HIP1: variants seen among roughly 807,000 people sequenced by gnomAD.
HIP1 encodes the protein huntingtin-interacting protein 1.
HIP1 carries 65 observed loss-of-function variants against 147.6 expected under a neutral mutation model. The ratio of observed to expected loss-of-function variants is 0.44; its 90% CI spans 0.36 to 0.54. The LOEUF (loss-of-function observed/expected upper bound fraction) is 0.54. HIP1 is among the 20% of genes least tolerant of loss of function. The pLI, the probability that HIP1 is intolerant of heterozygous loss-of-function variation, is 0.00. For missense variants in HIP1, 1,061 were observed against 1,299.6 expected, an observed-to-expected ratio of 0.82 and a Z score of 2.82; for synonymous variants, 479 against 504.0, an observed-to-expected ratio of 0.95 and a Z score of 0.67.
chr7:75,664,522 G>C (rs955160983), intron 1 of HIP1, among the ~76,000 whole-genome samples: 3 of 147,818 alleles, frequency 2.0e-5, no homozygotes, highest in Non-Finnish European at 3.0e-5. Context: ...GTATGTATAC[G>C]TATACATACA....
chr7:75,592,514 G>A lies in HIP1; in HGVS notation c.185C>T (p.Thr62Met), dbSNP rs202080673. 547 of 1,608,718 alleles carry A rather than the reference G, an allele frequency of 3.4e-4. 3 individuals are homozygous for A. The highest frequency in any genetic ancestry group is 9.6e-4 in the Admixed American group (55 of 57,378). ...CTCATGGTGGGTGCCCAGTATGCAC[G>A]GTGAGGGGGGGTTATGGAAAACAAC... Reference protein sequence around the residue: ...EVAVKEKHARTCILGTHHEKG... With the variant: ...EVAVKEKHARMCILGTHHEKG... Residue 62 changes from threonine (T) to methionine (M), a missense_variant and splice_region_variant, in exon 3 of 31, where the codon ACG (threonine) becomes ATG (methionine). Physicochemically the swap from Thr to Met is moderately conservative, Grantham distance 81. This residue lies in a region of HIP1 where 225 missense variants were observed against 292.9 expected (regional missense o/e 0.77). Coordinates refer to ENST00000336926, the MANE Select transcript of HIP1 (RefSeq NM_005338.7).
In HIP1 at chr7:75,663,659, T is replaced by G. The variant is rs1799384758; in HGVS notation, c.121-64412A>C. 1.3e-5 allele frequency among the ~76,000 whole-genome samples: 2 copies of G among 151,440 alleles called. 1 individual carries two copies. Among genetic ancestry groups the G allele is most frequent in the South Asian group, 4.2e-4 (2 of 4,800 alleles). On this transcript the variant is annotated intron_variant, in intron 1 of 30. Transcript: ENST00000336926. ...AGGGTACTGCCAGTTCTGGGTGTAC[T>G]AGATGAGTCCTGACCATGAGCAGTG...
rs1554491291 is a variant in HIP1, at chr7:75,547,768, C to T, written c.2452G>A (p.Glu818Lys). ...GCTCAGACCGACCTTTCATTCACCTCCAATTTGACTCCTGTGTCTCCTGCT... is the reference window on the plus strand; with the variant it reads ...GCTCAGACCGACCTTTCATTCACCTTCAATTTGACTCCTGTGTCTCCTGCT... The part of the protein sequence containing the change: ...SRAGDTGVKL[E>K]VNERILGCCT... Residue 818 changes from glutamate (E) to lysine (K), a missense_variant, in exon 24 of 31, where the codon GAG (glutamate) becomes AAG (lysine). By Grantham distance (56) the Glu-to-Lys change is moderately conservative (BLOSUM62 1). This residue lies in a region of HIP1 where 810 missense variants were observed against 946.8 expected (regional missense o/e 0.86). Transcript: ENST00000336926. 1 of 1,613,930 alleles carries T rather than the reference C, an allele frequency of 6.2e-7. No individual in the cohort carries two copies. Among genetic ancestry groups the T allele is most frequent in the Middle Eastern group, 1.6e-4 (1 of 6,062 alleles).
intron 1 of HIP1, among the ~76,000 whole-genome samples, chr7:75,665,490 G>C (rs1316332269): frequency 1.3e-5 from 2 of 151,986 alleles, no homozygotes; most frequent in Non-Finnish European, 2.9e-5. Flanking sequence ...ATCCTGTCTT[G>C]TGGCTTTGCT....
chr7:75,664,096 GTGCA>G lies in HIP1; in HGVS notation c.121-64853_121-64850del, dbSNP rs1563278705. 8.9e-5 allele frequency among the ~76,000 whole-genome samples: 6 copies of G among 67,522 alleles called. 2 individuals are homozygous for G. The highest frequency in any genetic ancestry group is 1.8e-4 in the Non-Finnish European group (6 of 32,932). 44.3% of individuals were successfully genotyped at this position (67,522 alleles called of 152,430 possible). ...TATACACACACATATACACACATATGTGCATACATACATGTATGCATATATGCAC... is the reference window on the plus strand; with the variant it reads ...TATACACACACATATACACACATATGTACATACATGTATGCATATATGCAC... On this transcript the variant is annotated intron_variant, in intron 1 of 30. Coordinates refer to ENST00000336926, the MANE Select transcript of HIP1 (RefSeq NM_005338.7).
At chr7:75,735,947 C>A (rs983674726) in intron 1 of HIP1, among the ~76,000 whole-genome samples, 1 of 151,892 alleles carries the variant, frequency 6.6e-6, no homozygotes, top group African/African-American at 2.4e-5. Context: ...GTTTCAACAC[C>A]AGAGGCTGGG....
chr7:75,548,934 G>T lies in HIP1; in HGVS notation c.2363C>A (p.Ala788Glu), dbSNP rs782369265. Residue 788 changes from alanine to glutamate, a missense_variant, in exon 23 of 31, where the codon GCG becomes GAG. Coordinates refer to ENST00000336926, the MANE Select transcript of HIP1 (RefSeq NM_005338.7). ...ELGDLVDKEM[A>E]ATSAAIETAT... ...AGTTTCAATAGCAGCTGAAGTGGCC[G>T]CCATCTCCTTGTCCACCAGGTCCCC... 1.6e-5 allele frequency: 26 copies of T among 1,613,826 alleles called. No individual in the cohort carries two copies. The highest frequency in any genetic ancestry group is 2.2e-5 in the Non-Finnish European group (26 of 1,179,888).
intron 1 of HIP1, among the ~76,000 whole-genome samples, chr7:75,634,238 C>A (rs1798343923): frequency 6.6e-6 from 1 of 151,160 alleles, no homozygotes; most frequent in South Asian, 2.1e-4. Context: ...CCAGCCTTGA[C>A]AACAGAGTGA....
intron 1 of HIP1, among the ~76,000 whole-genome samples, chr7:75,645,740 C>T (rs1798780266): frequency 1.3e-5 from 2 of 152,158 alleles, no homozygotes. Context: ...ACATATCCAA[C>T]AAGGAATATT....
At chr7:75,582,506 A>C (rs1467572983) in intron 5 of HIP1, among the ~76,000 whole-genome samples, 1 of 152,110 alleles carries the variant, frequency 6.6e-6, no homozygotes, top group Non-Finnish European at 1.5e-5. Flanking sequence ...ATCTACATGT[A>C]CAAGTGGATA....
At chr7:75,548,618 AAGC>A (rs782728512) in intron 23 of HIP1, among the ~76,000 whole-genome samples, 1 of 151,842 alleles carries the variant, frequency 6.6e-6, no homozygotes, top group Non-Finnish European at 1.5e-5. Flanking sequence ...CTGGGACTAT[AAGC>A]ATGCACCACC....
intron 1 of HIP1, chr7:75,626,812 T>A (rs1426529889): frequency 6.6e-6 from 1 of 152,108 alleles, no homozygotes; most frequent in Non-Finnish European, 1.5e-5. Context: ...TTTGATTGAA[T>A]CAAATGAAAA....
chr7:75,738,720 C>T (rs1802107635), intron 1 of HIP1, 81 bp downstream of exon 1: 1 of 1,491,336 alleles, frequency 6.7e-7, no homozygotes. Context: ...GCCTGCAAGA[C>T]TCCTACTCCC....
In HIP1 at chr7:75,554,147, G is replaced by A. The variant is rs1208008808; in HGVS notation, c.2124C>T (p.Thr708=). The A allele has an allele frequency of 1.9e-6, 3 of 1,613,934 alleles. No homozygotes were observed. In the East Asian group the frequency reaches 6.7e-5, roughly 36 times the overall value. ...LTSDAIAHGA[T]TCLRAPPEPA... is the part of the protein sequence containing the mutation. ...GCTCAGGTGGGGCTCTGAGGCAGGT[G>A]GTGGCACCATGAGCAATGGCGTCGC... Residue 708 remains threonine (T), a synonymous_variant, in exon 21 of 31, where the codon ACC becomes ACT. Coordinates refer to ENST00000336926, the MANE Select transcript of HIP1 (RefSeq NM_005338.7).
At chr7:75,657,337 C>G (rs537070907) in intron 1 of HIP1, among the ~76,000 whole-genome samples, 15 of 152,178 alleles carry the variant, frequency 9.9e-5, no homozygotes, top group African/African-American at 3.4e-4. Flanking sequence ...TCGAGACCAG[C>G]CTGGCCAACA....
chr7:75,662,531 C>T (rs560876929), intron 1 of HIP1, among the ~76,000 whole-genome samples: 2 of 151,844 alleles, frequency 1.3e-5, no homozygotes, highest in Non-Finnish European at 2.9e-5. Flanking sequence ...TTTGAGACAG[C>T]GTCTCGCTCT....
chr7:75,713,411 T>C (rs1554520261), intron 1 of HIP1, among the ~76,000 whole-genome samples: 1 of 152,204 alleles, frequency 6.6e-6, no homozygotes, highest in Non-Finnish European at 1.5e-5. Flanking sequence ...CTAGCTGCAC[T>C]GCGACAGGGG....
intron 1 of HIP1, among the ~76,000 whole-genome samples, chr7:75,616,665 A>C (rs1554506122): frequency 6.6e-6 from 1 of 152,010 alleles, no homozygotes; most frequent in Admixed American, 6.6e-5. Context: ...GGAAGCCACA[A>C]AGCCAAAAAC....
intron 21 of HIP1, 77 bp downstream of exon 21, chr7:75,554,036 C>T (rs959649421): frequency 2.1e-5 from 23 of 1,079,572 alleles, no homozygotes; most frequent in African/African-American, 7.8e-5. Flanking sequence ...TGAGCCACTG[C>T]GCCCGGCCCA....
Sources: gnomAD v4.1 joint callset for allele counts (sites outside exome capture counted in the v4.1 genomes callset) on GRCh38, gnomAD v4.1.1 for gene constraint, gnomAD v4.1.1 regional missense constraint, MANE v1.5 for transcripts, NCBI Gene and HGNC (gene_info 2026-07-23, HGNC 2026-07-21) for gene names.